Variants in CTPS2 observed in about 807,000 individuals in gnomAD.
The protein encoded by CTPS2 is CTP synthase II.
CTPS2 carries 19 observed loss-of-function variants against 46.8 expected under a neutral mutation model. That is an observed-to-expected ratio of 0.41 (90% CI 0.28 to 0.60). The LOEUF is 0.60. Ranked by LOEUF, CTPS2 falls within the 20% of genes least tolerant of loss-of-function variation. CTPS2 has a pLI of 0.35. For missense variants in CTPS2, 286 were observed against 447.6 expected (o/e 0.64, Z 3.26); for synonymous variants, 151 against 165.2 (o/e 0.91, Z 0.66).
intron 14 of CTPS2, among the ~76,000 whole-genome samples, chrX:16,624,716 G>A (rs765229263): frequency 8.9e-6 from 1 of 111,961 alleles, no homozygotes; most frequent in African/African-American, 3.2e-5. Flanking sequence ...CCTAGGAATG[G>A]GGGAAAATCT....
At chrX:16,599,476 CTT>C (rs56794396) in intron 17 of CTPS2, among the ~76,000 whole-genome samples, 32 of 86,181 alleles carry the variant, frequency 3.7e-4, no homozygotes, top group East Asian at 1.7e-3. Context: ...TCTTTTTTTT[CTT>C]TTTTTTTTTT....
At chrX:16,600,095 G>A (rs1012649763) in intron 17 of CTPS2, among the ~76,000 whole-genome samples, 3 of 112,268 alleles carry the variant, frequency 2.7e-5, no homozygotes, top group East Asian at 2.8e-4. Context: ...CTTGACAAAC[G>A]AAAGGTTTGT....
At chrX:16,661,929 A>G (rs1443314609) in intron 13 of CTPS2, among the ~76,000 whole-genome samples, 2 of 109,484 alleles carry the variant, frequency 1.8e-5, no homozygotes, top group South Asian at 4.0e-4. Context: ...TTCAACAAAC[A>G]GAAAAGAAAT....
intron 13 of CTPS2, among the ~76,000 whole-genome samples, chrX:16,642,098 C>G (rs769607477): frequency 8.9e-6 from 1 of 111,937 alleles, no homozygotes; most frequent in Non-Finnish European, 1.9e-5. Flanking sequence ...CTTTGCACAT[C>G]GTATTTTACT....
At chrX:16,591,620 A>G (rs929427579) in intron 17 of CTPS2, among the ~76,000 whole-genome samples, 1 of 111,067 alleles carries the variant, frequency 9.0e-6, no homozygotes, top group Non-Finnish European at 1.9e-5. Flanking sequence ...GACTATTATG[A>G]CTCTAACCAT....
At chrX:16,638,172 G>A (rs954756541) in intron 14 of CTPS2, among the ~76,000 whole-genome samples, 6 of 107,845 alleles carry the variant, frequency 5.6e-5, no homozygotes, top group African/African-American at 1.7e-4. Flanking sequence ...GGAGAATGAC[G>A]TCAACCCAGG....
intron 14 of CTPS2, among the ~76,000 whole-genome samples, chrX:16,631,516 C>T (rs1448402980): frequency 1.8e-5 from 2 of 111,457 alleles, no homozygotes; most frequent in African/African-American, 6.5e-5. Context: ...GAAACCCTGT[C>T]TCTAAAATAA....
At chrX:16,652,522 T>A (rs923538316) in intron 13 of CTPS2, among the ~76,000 whole-genome samples, 5 of 112,450 alleles carry the variant, frequency 4.4e-5, no homozygotes, top group African/African-American at 1.6e-4. Flanking sequence ...AGGGACTTTT[T>A]AATTAAACAG....
At chrX:16,685,704 C>CA (rs1158645999) in intron 8 of CTPS2, among the ~76,000 whole-genome samples, 67 of 94,179 alleles carry the variant, frequency 7.1e-4, no homozygotes, top group East Asian at 5.2e-3. Flanking sequence ...TAAAAAAATA[C>CA]AAAAAAAAAA....
chrX:16,616,627 G>A (rs1301345008), intron 16 of CTPS2, among the ~76,000 whole-genome samples: 1 of 112,007 alleles, frequency 8.9e-6, no homozygotes, highest in Non-Finnish European at 1.9e-5. Flanking sequence ...TGTAGAACTG[G>A]TAGACTTGGA....
At chrX:16,667,030 T>C (rs1921245927) in intron 13 of CTPS2, among the ~76,000 whole-genome samples, 1 of 110,728 alleles carries the variant, frequency 9.0e-6, no homozygotes, top group Non-Finnish European at 1.9e-5. Context: ...CTTTAAGGCA[T>C]AGCTGAGAAG....
rs201112103 is a variant in CTPS2 at position 16,702,044 on chromosome X, T to TTTTG, written c.166+689_166+692dup. ...TTTTTGGGGGTTGGTTTTTTGTTGTTTTTGTTTGTTTGTTTGTTTGTTTGT... is the reference window on the plus strand; with the variant it reads ...TTTTTGGGGGTTGGTTTTTTGTTGTTTTTGTTTGTTTGTTTGTTTGTTTGTTTGT... On this transcript the variant is annotated intron_variant, in intron 2 of 18. Coordinates refer to ENST00000359276, the MANE Select transcript of CTPS2 (RefSeq NM_175859.3). Among the ~76,000 whole-genome samples, 495 of 110,337 alleles carry TTTTG rather than the reference T, an allele frequency of 4.5e-3. 1 individual carries two copies. The highest frequency in any genetic ancestry group is 6.4e-3 in the Non-Finnish European group (338 of 52,760).
chrX:16,670,135 G>C (rs1036692256), intron 11 of CTPS2, among the ~76,000 whole-genome samples: 2 of 111,038 alleles, frequency 1.8e-5, no homozygotes, highest in Non-Finnish European at 3.8e-5. Context: ...AGCTACTCTG[G>C]AGACTGAGGT....
At chrX:16,598,286 A>T (rs1929409550) in intron 17 of CTPS2, among the ~76,000 whole-genome samples, 1 of 111,476 alleles carries the variant, frequency 9.0e-6, no homozygotes, top group Non-Finnish European at 1.9e-5. Context: ...TTTTGAAAGG[A>T]TCAACAAAAT....
chrX:16,678,984 C>T (rs777187243), intron 9 of CTPS2, among the ~76,000 whole-genome samples: 2 of 110,788 alleles, frequency 1.8e-5, no homozygotes, highest in Admixed American at 9.7e-5. Flanking sequence ...AGAAGCCAGC[C>T]GAGAGGAGAG....
At chrX:16,705,469 A>G (rs1284747313) in intron 1 of CTPS2, among the ~76,000 whole-genome samples, 7 of 112,073 alleles carry the variant, frequency 6.2e-5, no homozygotes, top group African/African-American at 9.7e-5. Flanking sequence ...ATAGGGCTTA[A>G]CTGAAATTCA....
At chrX:16,594,804 T>C (rs188335697) in intron 17 of CTPS2, among the ~76,000 whole-genome samples, 1 of 112,551 alleles carries the variant, frequency 8.9e-6, no homozygotes, top group Admixed American at 9.4e-5. Flanking sequence ...TTTCATATGT[T>C]CAGAGACTGG....
At position 16,668,144 on chromosome X, in the gene CTPS2, C is replaced by G. The variant is rs372891082; in HGVS notation, c.1190-420G>C. 2.4e-4 allele frequency among the ~76,000 whole-genome samples: 26 copies of G among 109,134 alleles called. No homozygotes were observed. The East Asian group carries it at 6.9e-3, about 29-fold the overall frequency. 94.8% of individuals were successfully genotyped at this position (109,134 alleles called of 115,157 possible). A position where few individuals can be genotyped will look rare whatever the true frequency, so the allele number is the denominator to read the frequency against. Reference sequence around the variant, plus strand: ...AGGTGTGGTGGCATGCACCTATAGTCCCAGCTACTTGGGAGGCTGAGGCAG... The same window carrying G: ...AGGTGTGGTGGCATGCACCTATAGTGCCAGCTACTTGGGAGGCTGAGGCAG... On this transcript the variant is annotated intron_variant, in intron 11 of 18. Coordinates refer to ENST00000359276, the MANE Select transcript of CTPS2 (RefSeq NM_175859.3).
intron 17 of CTPS2, among the ~76,000 whole-genome samples, chrX:16,604,597 T>C (rs1194635417): frequency 1.9e-5 from 2 of 106,879 alleles, no homozygotes; most frequent in Admixed American, 2.0e-4. Context: ...GAGGCCAAGG[T>C]GGGCGGATTG....
Sources: gnomAD v4.1 joint callset for allele counts (sites outside exome capture counted in the v4.1 genomes callset) on GRCh38, gnomAD v4.1.1 for gene constraint, MANE v1.5 for transcripts, NCBI Gene and HGNC (gene_info 2026-07-23, HGNC 2026-07-21) for gene names.